CORO7: variants seen among roughly 807,000 people sequenced by gnomAD.
CORO7 encodes coronin 7.
A neutral mutation model predicts 126.6 loss-of-function variants in CORO7; 107 were observed. The ratio of observed to expected loss-of-function variants is 0.85; its 90% CI spans 0.72 to 0.99. The LOEUF is 0.99. CORO7 is among the 50% of genes least tolerant of loss of function. The pLI is 0.00. For missense variants in CORO7, 1,314 were observed against 1,255.8 expected, an observed-to-expected ratio of 1.05 and a Z score of -0.70; for synonymous variants, 603 against 536.8, an observed-to-expected ratio of 1.12 and a Z score of -1.70.
chr16:4,372,210 G>C (rs2054561199), intron 9 of CORO7, among the ~76,000 whole-genome samples: 1 of 152,124 alleles, frequency 6.6e-6, no homozygotes, highest in Non-Finnish European at 1.5e-5. Flanking sequence ...GCCGGCCAGG[G>C]TGCGCGCCTG....
At chr16:4,372,589 G>A (rs1356348052) in intron 9 of CORO7, among the ~76,000 whole-genome samples, 2 of 152,200 alleles carry the variant, frequency 1.3e-5, no homozygotes, top group African/African-American at 4.8e-5. Flanking sequence ...AGGGTGCCGG[G>A]TCTCTGCCTC....
chr16:4,407,350 AG>A, intron 5 of CORO7, 150 bp downstream of exon 5: 2 of 861,598 alleles, frequency 2.3e-6, no homozygotes, highest in Non-Finnish European at 3.4e-6. Context: ...TGTTTATTAC[AG>A]CCTCATAGAA....
chr16:4,409,066 G>A (rs773247923), intron 3 of CORO7, among the ~76,000 whole-genome samples: 17 of 152,140 alleles, frequency 1.1e-4, no homozygotes, highest in Non-Finnish European at 2.2e-4. Flanking sequence ...GCGGTGGGTG[G>A]TTGGGGAGGT....
chr16:4,358,025 G>A lies in CORO7; in HGVS notation c.2536C>T (p.Gln846Ter). ...EPVLSAEAWLQGANGQPWLLS... is the reference protein window; with the variant it reads ...EPVLSAEAWL ...AGCCAGGGCTGCCCATTAGCGCCTT[G>A]CAGCCAGGCCTCGGCACTGAGCACA... Residue 846 changes from glutamine to a stop codon, truncating the protein, a stop_gained, in exon 25 of 28, where the codon CAA becomes TAA. Transcript: ENST00000251166. LOFTEE classifies it high-confidence loss of function. The A allele has an allele frequency of 1.2e-6, 2 of 1,613,122 alleles. No homozygotes were observed. Among genetic ancestry groups the A allele is most frequent in the African/African-American group, 1.3e-5 (1 of 75,046 alleles).
intron 5 of CORO7, among the ~76,000 whole-genome samples, chr16:4,406,251 C>T (rs781575857): frequency 1.3e-5 from 2 of 152,126 alleles, no homozygotes; most frequent in African/African-American, 2.4e-5. Context: ...CCGCCCACCT[C>T]GGCCTCCCAA....
chr16:4,368,499 T>G (rs1254605735), intron 9 of CORO7, among the ~76,000 whole-genome samples: 2 of 152,004 alleles, frequency 1.3e-5, no homozygotes, highest in South Asian at 2.1e-4. Flanking sequence ...GGCTCACATC[T>G]GTAATCCCAG....
chr16:4,405,236 G>A (rs976292599), intron 6 of CORO7, among the ~76,000 whole-genome samples: 1 of 152,218 alleles, frequency 6.6e-6, no homozygotes, highest in Non-Finnish European at 1.5e-5. Context: ...GGCTGCCTGA[G>A]GGTGGCGACA....
At chr16:4,381,588 C>A (rs2054967130) in intron 9 of CORO7, 2 of 1,601,842 alleles carry the variant, frequency 1.2e-6, no homozygotes, top group South Asian at 1.1e-5. Context: ...TGATCCGAGG[C>A]CTCCGGGGCC....
chr16:4,391,232 G>C (rs1364042179), intron 7 of CORO7, among the ~76,000 whole-genome samples: 2 of 152,140 alleles, frequency 1.3e-5, no homozygotes, highest in East Asian at 3.8e-4. Flanking sequence ...AGAGCAGCCT[G>C]GGCCACAAAC....
rs1388358131 is a variant in CORO7, at chr16:4,416,569, C to T, written c.-51G>A. The T allele has an allele frequency of 1.3e-6, 2 of 1,564,378 alleles. No individual in the cohort carries two copies. The highest frequency in any genetic ancestry group is 2.6e-5 in the East Asian group (1 of 38,534). On this transcript the variant is annotated 5_prime_UTR_variant, in exon 1 of 28. Transcript: ENST00000251166. ...TCTTCGAGGACCCCGGGCGTCGGGT[C>T]TCAGGTGCACGCTGAGCAACCGCGA...
intron 9 of CORO7, chr16:4,382,998 G>C (rs926440512): frequency 3.9e-6 from 5 of 1,292,572 alleles, no homozygotes; most frequent in Non-Finnish European, 5.2e-6. Flanking sequence ...TCCCAACCTC[G>C]GGGATGTGTG....
intron 14 of CORO7, 130 bp downstream of exon 14, chr16:4,364,146 A>C (rs2054272101): frequency 1.6e-6 from 2 of 1,272,982 alleles, no homozygotes; most frequent in African/African-American, 3.1e-5. Flanking sequence ...AGGTTGCGCC[A>C]CTGCACTCTA....
At chr16:4,365,985 C>T (rs541489243) in intron 9 of CORO7, among the ~76,000 whole-genome samples, 8 of 152,320 alleles carry the variant, frequency 5.3e-5, no homozygotes, top group Admixed American at 3.3e-4. Context: ...AGGCAGCATC[C>T]GGGAGCAGTG....
intron 6 of CORO7, among the ~76,000 whole-genome samples, chr16:4,401,743 C>T (rs1402177984): frequency 6.6e-6 from 1 of 152,014 alleles, no homozygotes; most frequent in Admixed American, 6.6e-5. Context: ...CGACAGCAAG[C>T]GACAGAGGCT....
intron 9 of CORO7, among the ~76,000 whole-genome samples, chr16:4,369,813 C>T (rs1381628820): frequency 6.6e-6 from 1 of 152,176 alleles, no homozygotes; most frequent in East Asian, 1.9e-4. Flanking sequence ...ATCACCCAGG[C>T]TGGAGAGTTA....
At chr16:4,396,799 T>C (rs1197656130) in intron 6 of CORO7, among the ~76,000 whole-genome samples, 1 of 151,900 alleles carries the variant, frequency 6.6e-6, no homozygotes, top group African/African-American at 2.4e-5. Context: ...GTGGATCACC[T>C]GAGGTCAGGA....
chr16:4,380,938 G>C lies in CORO7; in HGVS notation c.785+7048C>G, dbSNP rs779887171. On this transcript the variant is annotated intron_variant, in intron 9 of 27. Transcript: ENST00000251166. ...CCTGCTACTGGCCCTGGGGCCTGGG[G>C]TGCAGGGCTGCCCATCCGGCTGCCA... 1.3e-4 allele frequency: 206 copies of C among 1,595,214 alleles called. No homozygotes were observed. The highest frequency in any genetic ancestry group is 1.7e-4 in the Non-Finnish European group (199 of 1,174,172).
chr16:4,373,970 T>G (rs2054624032), intron 9 of CORO7, among the ~76,000 whole-genome samples: 1 of 152,152 alleles, frequency 6.6e-6, no homozygotes. Flanking sequence ...CCCCATCAGC[T>G]GCCCTTAGAG....
chr16:4,362,493 G>A lies in CORO7; in HGVS notation c.1402+119C>T, dbSNP rs192270517. 1 of 1,441,336 alleles carries A rather than the reference G, an allele frequency of 6.9e-7. No homozygotes were observed. The highest frequency in any genetic ancestry group is 9.1e-7 in the Non-Finnish European group (1 of 1,098,256). 89.3% of individuals were successfully genotyped at this position (1,441,336 alleles called of 1,614,324 possible). A position where few individuals can be genotyped will look rare whatever the true frequency, so the allele number is the denominator to read the frequency against. Reference sequence around the variant, plus strand: ...CAAATGACCCTGCCAGTGAGTCTGGGTGAGGGGGGTGCCCTGCATGAGGCC... The same window carrying A: ...CAAATGACCCTGCCAGTGAGTCTGGATGAGGGGGGTGCCCTGCATGAGGCC... On this transcript the variant is annotated intron_variant, in intron 15 of 27. Transcript: ENST00000251166. The surrounding 1 kb of genome is among the most constrained non-coding windows in gnomAD (Gnocchi z 5.3).
Sources: allele counts gnomAD v4.1 joint callset (sites outside exome capture counted in the v4.1 genomes callset), GRCh38; gene constraint gnomAD v4.1.1; non-coding constraint Gnocchi (gnomAD v3.1); transcripts MANE v1.5; gene names NCBI Gene and HGNC (gene_info 2026-07-23, HGNC 2026-07-21).